PGAP1: variants seen among roughly 807,000 people sequenced by gnomAD.
The protein encoded by PGAP1 is GPI inositol-deacylase.
In PGAP1, 76 loss-of-function variants were observed where a neutral mutation model predicts 127.0. The ratio of observed to expected loss-of-function variants is 0.60; its 90% CI spans 0.50 to 0.72. The LOEUF is 0.72. Among genes scored for constraint, PGAP1 ranks in the 30% least tolerant of loss-of-function variants. The pLI is 0.00. For missense variants in PGAP1, 982 were observed against 1,071.3 expected (o/e 0.92, Z 1.16); for synonymous variants, 362 against 366.5 (o/e 0.99, Z 0.14).
intron 14 of PGAP1, among the ~76,000 whole-genome samples, chr2:196,874,764 G>A (rs542715859): frequency 2.0e-5 from 3 of 152,168 alleles, no homozygotes; most frequent in Non-Finnish European, 2.9e-5. Flanking sequence ...CTGTAATTCC[G>A]GCATTTTGGG....
In PGAP1 at chr2:196,880,146, G is replaced by A. The variant is rs1353611752; in HGVS notation, c.1280C>T (p.Thr427Ile). 1 of 1,527,864 alleles carries A rather than the reference G, an allele frequency of 6.5e-7. No individual in the cohort carries two copies. The highest frequency in any genetic ancestry group is 1.2e-5 in the South Asian group (1 of 80,686). The allele number at this position is 1,527,864 out of a possible 1,614,324, so 94.6% of individuals were successfully genotyped here. ...AELLPTIKYL[T>I]LRLQDYPSLS... ...AGATGGATAGTCTTGAAGTCTTAATGTCAGATACTAAAATAAAAAAAAAAG... is the reference window on the plus strand; with the variant it reads ...AGATGGATAGTCTTGAAGTCTTAATATCAGATACTAAAATAAAAAAAAAAG... The change falls in exon 13 of 27, where the codon ACA becomes ATA. Residue 427 changes from threonine to isoleucine, a missense_variant. Coordinates refer to ENST00000354764, the MANE Select transcript of PGAP1 (RefSeq NM_024989.4).
chr2:196,843,835 G>C, intron 25 of PGAP1, 53 bp downstream of exon 25: 2 of 1,189,920 alleles, frequency 1.7e-6, no homozygotes, highest in African/African-American at 3.1e-5. Flanking sequence ...TCTCTACTTA[G>C]GGATATTTAT....
intron 1 of PGAP1, among the ~76,000 whole-genome samples, chr2:196,920,376 A>G (rs1703148316): frequency 1.3e-5 from 2 of 152,166 alleles, no homozygotes; most frequent in Admixed American, 6.5e-5. Context: ...TTAGGAAAAC[A>G]TAAAAGAGGA....
chr2:196,847,032 A>T lies in PGAP1; in HGVS notation c.2121T>A (p.Leu707=), dbSNP rs752297513. Reference sequence around the variant, plus strand: ...TCAAAGCTAGCCACAATGAAGAAAGAAGTCTCACAGATGCAGAAGACAGTA... The same window carrying T: ...TCAAAGCTAGCCACAATGAAGAAAGTAGTCTCACAGATGCAGAAGACAGTA... ...SGLLSSASVR[L]LSSLWLALKR... Residue 707 remains leucine (L), a synonymous_variant, in exon 22 of 27, where the codon CTT becomes CTA. Coordinates refer to ENST00000354764, the MANE Select transcript of PGAP1 (RefSeq NM_024989.4). The T allele has an allele frequency of 6.2e-7, 1 of 1,613,544 alleles. No individual in the cohort carries two copies. Among genetic ancestry groups the T allele is most frequent in the South Asian group, 1.1e-5 (1 of 90,982 alleles).
At chr2:196,868,232 T>C (rs1701301986) in intron 19 of PGAP1, among the ~76,000 whole-genome samples, 1 of 152,250 alleles carries the variant, frequency 6.6e-6, no homozygotes. Context: ...AACTGGTACA[T>C]GGTAACTGAC....
intron 3 of PGAP1, among the ~76,000 whole-genome samples, chr2:196,913,325 G>A (rs1277280197): frequency 6.6e-6 from 1 of 152,094 alleles, no homozygotes; most frequent in East Asian, 1.9e-4. Flanking sequence ...TATACTGTTG[G>A]TTACACTACA....
chr2:196,846,103 C>A, intron 22 of PGAP1, 86 bp from the exon 23 acceptor site: 1 of 758,524 alleles, frequency 1.3e-6, no homozygotes, highest in South Asian at 4.1e-5. Flanking sequence ...TAGTACCCTC[C>A]CAGTCTCTCT....
chr2:196,916,050 T>G (rs1329455108), intron 3 of PGAP1, among the ~76,000 whole-genome samples: 1 of 152,158 alleles, frequency 6.6e-6, no homozygotes. Flanking sequence ...AACAGGTGCT[T>G]CACATATCTT....
intron 7 of PGAP1, among the ~76,000 whole-genome samples, chr2:196,895,061 T>G (rs1442943597): frequency 6.6e-6 from 1 of 152,178 alleles, no homozygotes; most frequent in Non-Finnish European, 1.5e-5. Flanking sequence ...ATACCTTAAG[T>G]TTTTATTTTC....
chr2:196,885,973 T>C, intron 10 of PGAP1, 93 bp from the exon 11 acceptor site: 2 of 775,112 alleles, frequency 2.6e-6, no homozygotes, highest in Non-Finnish European at 1.8e-6. Flanking sequence ...TTTATTGTTA[T>C]ATGATATAGG....
intron 20 of PGAP1, among the ~76,000 whole-genome samples, chr2:196,863,894 T>A (rs565932866): frequency 3.3e-5 from 5 of 152,180 alleles, no homozygotes; most frequent in Admixed American, 2.0e-4. Context: ...CTATAGTTAA[T>A]AATTTATTGT....
intron 7 of PGAP1, 27 bp downstream of exon 7, chr2:196,897,104 A>C (rs1475088997): frequency 7.6e-7 from 1 of 1,309,192 alleles, no homozygotes; most frequent in Non-Finnish European, 1.1e-6. Flanking sequence ...CTTTCATTTA[A>C]ATAATTTTTA....
intron 12 of PGAP1, among the ~76,000 whole-genome samples, chr2:196,881,830 T>C (rs1211496480): frequency 6.6e-6 from 1 of 152,210 alleles, no homozygotes; most frequent in Non-Finnish European, 1.5e-5. Flanking sequence ...GTTCACTCTG[T>C]TGATAGTTTC....
chr2:196,893,083 C>T, intron 8 of PGAP1, 57 bp downstream of exon 8: 1 of 1,053,082 alleles, frequency 9.5e-7, no homozygotes, highest in South Asian at 1.5e-5. Flanking sequence ...AACAAATTTA[C>T]CTAAGATTAA....
At chr2:196,864,598 C>T (rs1249717506) in intron 20 of PGAP1, among the ~76,000 whole-genome samples, 1 of 151,870 alleles carries the variant, frequency 6.6e-6, no homozygotes, top group African/African-American at 2.4e-5. Context: ...TTATTCTTTC[C>T]ATTAAAAATG....
chr2:196,896,828 T>TAAACAAA (rs1702293780), intron 7 of PGAP1, among the ~76,000 whole-genome samples: 1 of 90,622 alleles, frequency 1.1e-5, no homozygotes, highest in Non-Finnish European at 2.1e-5. Context: ...GACTCCATCT[T>TAAACAAA]AAAAAAAAAA....
rs1700345727 is a variant in PGAP1 at position 196,839,505 on chromosome 2, T to G, written c.*1729A>C. ...CTTCTCTCAAACAAACAAGCACCTG[T>G]CTGCCATATCCCCACCACGAGTTTA... On this transcript the variant is annotated 3_prime_UTR_variant, in exon 27 of 27. Coordinates refer to ENST00000354764, the MANE Select transcript of PGAP1 (RefSeq NM_024989.4). The G allele has an allele frequency of 6.6e-6, 1 of 152,232 alleles. No homozygotes were observed. Among genetic ancestry groups the G allele is most frequent in the Non-Finnish European group, 1.5e-5 (1 of 68,040 alleles). The allele number at this position is 152,232 out of a possible 1,614,324, so 9.4% of individuals were successfully genotyped here. A position where few individuals can be genotyped will look rare whatever the true frequency, so the allele number is the denominator to read the frequency against.
chr2:196,866,695 T>A (rs903076669), intron 19 of PGAP1, among the ~76,000 whole-genome samples: 2 of 151,878 alleles, frequency 1.3e-5, no homozygotes, highest in African/African-American at 4.8e-5. Context: ...ACCTACAGAA[T>A]GGGGGAAAAT....
chr2:196,867,431 C>A (rs1701277876), intron 19 of PGAP1, among the ~76,000 whole-genome samples: 1 of 152,222 alleles, frequency 6.6e-6, no homozygotes, highest in Non-Finnish European at 1.5e-5. Context: ...ACAATGAGAA[C>A]ATATGGACAC....
Sources: gnomAD v4.1 joint callset for allele counts (sites outside exome capture counted in the v4.1 genomes callset) on GRCh38, gnomAD v4.1.1 for gene constraint, MANE v1.5 for transcripts, NCBI Gene and HGNC (gene_info 2026-07-23, HGNC 2026-07-21) for gene names.